ASPA: variants seen among roughly 807,000 people sequenced by gnomAD.
ASPA encodes ACY-2.
A neutral mutation model predicts 29.6 loss-of-function variants in ASPA; 25 were observed. That is an observed-to-expected ratio of 0.85 (90% CI 0.62 to 1.18). ASPA has a LOEUF of 1.18. Ranked by LOEUF, ASPA falls within the 50% of genes most tolerant of loss-of-function variation. ASPA has a pLI of 0.00. For missense variants in ASPA, 333 were observed against 385.7 expected (o/e 0.86, Z 1.14); for synonymous variants, 131 against 130.3 (o/e 1.01, Z -0.04).
rs2073964122 is a variant in ASPA at position 3,499,426 on chromosome 17, C to G, written c.*338C>G. On this transcript the variant is annotated 3_prime_UTR_variant, in exon 6 of 6. Transcript: ENST00000263080. ...AAGTTATTTGTTTTATTGTGCTTTG[C>G]CTTACTACACTTCACGGATACTGTA... The G allele has an allele frequency of 6.9e-6, 1 of 144,492 alleles. No homozygotes were observed. The highest frequency in any genetic ancestry group is 2.4e-4 in the South Asian group (1 of 4,210). 9.0% of individuals were successfully genotyped at this position (144,492 alleles called of 1,614,324 possible). A position where few individuals can be genotyped will look rare whatever the true frequency, so the allele number is the denominator to read the frequency against.
intron 3 of ASPA, among the ~76,000 whole-genome samples, chr17:3,486,109 T>A (rs1272124516): frequency 6.6e-6 from 1 of 152,234 alleles, no homozygotes; most frequent in South Asian, 2.1e-4. Flanking sequence ...ATTTTTTGCA[T>A]TTTTAGTAGA....
chr17:3,501,380 G>A lies in ASPA; in HGVS notation c.*2292G>A, dbSNP rs1413192086. On this transcript the variant is annotated 3_prime_UTR_variant, in exon 6 of 6. Coordinates refer to ENST00000263080, the MANE Select transcript of ASPA (RefSeq NM_000049.4). Reference sequence around the variant, plus strand: ...AATTCCAACCCTCTTGGATGACTCTGAGGAATTCGAGACTTGAGTAAAGGA... The same window carrying A: ...AATTCCAACCCTCTTGGATGACTCTAAGGAATTCGAGACTTGAGTAAAGGA... 1 of 152,298 alleles carries A rather than the reference G, an allele frequency of 6.6e-6. No individual in the cohort carries two copies. Among genetic ancestry groups the A allele is most frequent in the Non-Finnish European group, 1.5e-5 (1 of 68,106 alleles). 9.4% of individuals were successfully genotyped at this position (152,298 alleles called of 1,614,324 possible). A position where few individuals can be genotyped will look rare whatever the true frequency, so the allele number is the denominator to read the frequency against.
intron 4 of ASPA, 138 bp downstream of exon 4, chr17:3,489,480 G>A: frequency 1.5e-6 from 1 of 681,572 alleles, no homozygotes; most frequent in East Asian, 2.8e-5. Flanking sequence ...ATTCCCCAAT[G>A]GCCAGGATAG....
intron 1 of ASPA, among the ~76,000 whole-genome samples, chr17:3,478,232 C>T (rs1463329447): frequency 3.9e-5 from 6 of 151,902 alleles, no homozygotes; most frequent in Non-Finnish European, 8.8e-5. Flanking sequence ...GCACAACTAG[C>T]CACTGTTCTA....
Position 3,483,565 on chromosome 17 carries a change from A to C in ASPA, c.499A>C (p.Thr167Pro). 6.2e-7 allele frequency: 1 copy of C among 1,613,994 alleles called. No homozygotes were observed. The highest frequency in any genetic ancestry group is 1.1e-5 in the South Asian group (1 of 91,076). The change falls in exon 3 of 6, where the codon ACT (threonine) becomes CCT (proline). Residue 167 changes from threonine (T) to proline (P), a missense_variant. Physicochemically the swap from Thr to Pro is conservative, Grantham distance 38. Coordinates refer to ENST00000263080, the MANE Select transcript of ASPA (RefSeq NM_000049.4). ...IEHPSLKYAT[T>P]RSIAKYPVGI... is the part of the protein sequence containing the mutation. ...GCATCCTTCCCTCAAATATGCGACC[A>C]CTCGTTCCATAGCCAAGTATCCTGT...
intron 2 of ASPA, among the ~76,000 whole-genome samples, chr17:3,482,950 C>A (rs1173700302): frequency 8.5e-6 from 1 of 118,338 alleles, no homozygotes; most frequent in Non-Finnish European, 1.7e-5. Context: ...CTCCCCCCAC[C>A]CCAATTCTTC....
Position 3,503,040 on chromosome 17 carries a change from G to A in ASPA, c.*3952G>A, listed in dbSNP as rs1291800673. On this transcript the variant is annotated 3_prime_UTR_variant, in exon 6 of 6. Transcript: ENST00000263080. ...GATTCTTCTCCTCAAAGGACCTTCT[G>A]CTGGACGCCGCCCCCTCCCTCTCCA... 6.6e-6 allele frequency: 1 copy of A among 152,170 alleles called. No individual in the cohort carries two copies. Among genetic ancestry groups the A allele is most frequent in the Non-Finnish European group, 1.5e-5 (1 of 68,044 alleles). The allele number at this position is 152,170 out of a possible 1,614,324, so 9.4% of individuals were successfully genotyped here.
At chr17:3,481,574 G>A (rs747073729) in intron 1 of ASPA, 29 bp from the exon 2 acceptor site, 1 of 1,588,580 alleles carries the variant, frequency 6.3e-7, no homozygotes, top group South Asian at 1.1e-5. Flanking sequence ...CACAGATGTT[G>A]TTCATCTTTT....
chr17:3,486,614 G>A (rs558043986), intron 3 of ASPA, among the ~76,000 whole-genome samples: 1 of 152,032 alleles, frequency 6.6e-6, no homozygotes, highest in Non-Finnish European at 1.5e-5. Flanking sequence ...TTTCTTGAGC[G>A]CCTCATTAGC....
intron 5 of ASPA, among the ~76,000 whole-genome samples, chr17:3,498,644 G>T (rs2073948589): frequency 6.6e-6 from 1 of 152,190 alleles, no homozygotes; most frequent in African/African-American, 2.4e-5. Context: ...CACTGCACCT[G>T]GCTGAAGCAA....
At position 3,498,921 on chromosome 17, in the gene ASPA, GATCCCATGTTTTTAACTCTTGATGGGA is replaced by G; in HGVS notation, c.777_803del (p.Asp259_Lys268delinsGlu). 3 of 1,607,486 alleles carry G rather than the reference GATCCCATGTTTTTAACTCTTGATGGGA, an allele frequency of 1.9e-6. No homozygotes were observed. The highest frequency in any genetic ancestry group is 2.6e-6 in the Non-Finnish European group (3 of 1,175,926). ...AGACTGGAAACCACTGCATCCTGGG[GATCCCATGTTTTTAACTCTTGATGGGA>G]AGACGATCCCACTGGGCGGAGACTG... is the stretch of plus-strand genomic sequence containing the variant. On this transcript the variant is annotated inframe_deletion, in exon 6 of 6. Transcript: ENST00000263080.
rs774988790 is a variant in ASPA at position 3,476,422 on chromosome 17, G to T, written c.236+27G>T. On this transcript the variant is annotated intron_variant, in intron 1 of 5. Transcript: ENST00000263080. ...TAAGACTATGCTTTGTATTGTATAT[G>T]TATGTATGTTGTGTGAAAAGTGGTA... The T allele has an allele frequency of 2.5e-6, 4 of 1,597,600 alleles. No homozygotes were observed. In the African/African-American group the frequency reaches 5.4e-5, roughly 21 times the overall value.
In ASPA at chr17:3,489,376, A is replaced by C. The variant is rs372987490; in HGVS notation, c.634+34A>C. The stretch of plus-strand genomic sequence containing the variant: ...TAATGAAGGTAACGTTATCAAACTT[A>C]ACCACCAAACATTTAAATAACAATT... On this transcript the variant is annotated intron_variant, in intron 4 of 5. Transcript: ENST00000263080. 2.3e-5 allele frequency: 34 copies of C among 1,494,422 alleles called. No individual in the cohort carries two copies. The African/African-American group carries it at 3.6e-4, about 16-fold the overall frequency. 92.6% of individuals were successfully genotyped at this position (1,494,422 alleles called of 1,614,324 possible). A position where few individuals can be genotyped will look rare whatever the true frequency, so the allele number is the denominator to read the frequency against.
chr17:3,490,123 G>A lies in ASPA; in HGVS notation c.634+781G>A, dbSNP rs190628898. ...ACATATATATGTTAACACATCACAG[G>A]GAAAGTCCTAGAAGAAAACACACCA... On this transcript the variant is annotated intron_variant, in intron 4 of 5. Transcript: ENST00000263080. This position sits in a 1 kb window ranked among gnomAD's most constrained non-coding sequence, Gnocchi z 4.6. Among the ~76,000 whole-genome samples the A allele has an allele frequency of 1.1e-4, 17 of 152,084 alleles. No homozygotes were observed. The East Asian group carries it at 3.3e-3, about 29-fold the overall frequency.
At chr17:3,484,833 A>C (rs1175834006) in intron 3 of ASPA, among the ~76,000 whole-genome samples, 1 of 152,160 alleles carries the variant, frequency 6.6e-6, no homozygotes, top group Non-Finnish European at 1.5e-5. Context: ...AATATCATAT[A>C]CAAGGGCCCC....
intron 1 of ASPA, among the ~76,000 whole-genome samples, chr17:3,478,312 A>T (rs1353280746): frequency 1.3e-5 from 2 of 152,230 alleles, no homozygotes; most frequent in Admixed American, 6.5e-5. Context: ...ACACAGATCA[A>T]AACATGGACA....
chr17:3,489,354 T>G lies in ASPA; in HGVS notation c.634+12T>G. On this transcript the variant is annotated intron_variant, in intron 4 of 5. Coordinates refer to ENST00000263080, the MANE Select transcript of ASPA (RefSeq NM_000049.4). ...TCATTTCAATGAAGGTAAGTAATAA[T>G]GAAGGTAACGTTATCAAACTTAACC... 6.4e-7 allele frequency: 1 copy of G among 1,572,078 alleles called. No homozygotes were observed. The highest frequency in any genetic ancestry group is 8.8e-7 in the Non-Finnish European group (1 of 1,142,052).
At chr17:3,484,345 C>T (rs1305955146) in intron 3 of ASPA, among the ~76,000 whole-genome samples, 1 of 152,254 alleles carries the variant, frequency 6.6e-6, no homozygotes, top group South Asian at 2.1e-4. Flanking sequence ...CAAACAGCTT[C>T]GTATGTGATG....
Position 3,502,651 on chromosome 17 carries a change from T to A in ASPA, c.*3563T>A, listed in dbSNP as rs1413268463. ...TGAATGGCCCTTTGTCCACAAACAG[T>A]AACCCACACAGCATTGCTACTGTGG... On this transcript the variant is annotated 3_prime_UTR_variant, in exon 6 of 6. Transcript: ENST00000263080. 1 of 152,230 alleles carries A rather than the reference T, an allele frequency of 6.6e-6. No individual in the cohort carries two copies. Among genetic ancestry groups the A allele is most frequent in the Admixed American group, 6.5e-5 (1 of 15,276 alleles). The allele number at this position is 152,230 out of a possible 1,614,324, so 9.4% of individuals were successfully genotyped here. A position where few individuals can be genotyped will look rare whatever the true frequency, so the allele number is the denominator to read the frequency against.
Sources: gnomAD v4.1 joint callset for allele counts (sites outside exome capture counted in the v4.1 genomes callset) on GRCh38, gnomAD v4.1.1 for gene constraint, Gnocchi (gnomAD v3.1) non-coding constraint, MANE v1.5 for transcripts, NCBI Gene and HGNC (gene_info 2026-07-23, HGNC 2026-07-21) for gene names.